Variants in CETP observed in about 807,000 individuals in gnomAD.
The protein encoded by CETP is BPI fold containing family F.
In CETP, 56 loss-of-function variants were observed where a neutral mutation model predicts 66.5. The ratio of observed to expected loss-of-function variants is 0.84; its 90% CI spans 0.68 to 1.05. The LOEUF is 1.05. Ranked by LOEUF, CETP falls within the 50% of genes least tolerant of loss-of-function variation. The probability of loss-of-function intolerance (pLI) is 0.00; values close to 1 mark genes in which losing one functional copy is unlikely to be tolerated. For missense variants in CETP, 612 were observed against 609.6 expected (o/e 1.00, Z -0.04); for synonymous variants, 251 against 245.7 (o/e 1.02, Z -0.20).
intron 10 of CETP, among the ~76,000 whole-genome samples, chr16:56,977,331 C>T (rs12720898): frequency 0.058 from 8,874 of 152,180 alleles, 366 homozygotes; most frequent in South Asian, 0.11. Flanking sequence ...AGGCTGTAAT[C>T]GAAGGTCCTC....
chr16:56,978,063 CT>C, intron 10 of CETP, 27 bp from the exon 11 acceptor site: 1 of 1,612,632 alleles, frequency 6.2e-7, no homozygotes, highest in Non-Finnish European at 8.5e-7. Flanking sequence ...GGCCCCTGTC[CT>C]GGCCATGGGA....
At chr16:56,968,969 G>A (rs1278237848) in intron 2 of CETP, among the ~76,000 whole-genome samples, 4 of 151,514 alleles carry the variant, frequency 2.6e-5, no homozygotes, top group Non-Finnish European at 5.9e-5. Flanking sequence ...TTAAAGATAG[G>A]CATTTCTAGA....
At chr16:56,980,876 C>T (rs780841267) in intron 11 of CETP, among the ~76,000 whole-genome samples, 4 of 152,110 alleles carry the variant, frequency 2.6e-5, no homozygotes, top group Admixed American at 6.5e-5. Context: ...GAGCTGAGAT[C>T]GTGCCACTGC....
At chr16:56,979,207 A>G (rs190190303) in intron 11 of CETP, among the ~76,000 whole-genome samples, 280 of 152,344 alleles carry the variant, frequency 1.8e-3, no homozygotes, top group Admixed American at 3.3e-3. Context: ...TAGGGCCACA[A>G]GGGTTTCCAA....
intron 10 of CETP, among the ~76,000 whole-genome samples, chr16:56,977,217 T>G (rs2056156063): frequency 6.6e-6 from 1 of 152,104 alleles, no homozygotes; most frequent in Non-Finnish European, 1.5e-5. Flanking sequence ...CGCCGGCCCT[T>G]TCTTTCTTTT....
At chr16:56,971,670 A>C (rs1216804360) in intron 7 of CETP, among the ~76,000 whole-genome samples, 1 of 152,176 alleles carries the variant, frequency 6.6e-6, no homozygotes, top group Non-Finnish European at 1.5e-5. Context: ...TTAGGAAAAA[A>C]GATAATTAGA....
chr16:56,971,160 CT>C, intron 6 of CETP, 58 bp downstream of exon 6: 3 of 1,573,680 alleles, frequency 1.9e-6, no homozygotes, highest in Non-Finnish European at 2.6e-6. Context: ...GGCTGGATCC[CT>C]TTCCTCCCTG....
At chr16:56,983,305 G>T in intron 14 of CETP, 21 bp from the exon 15 acceptor site, 1 of 1,612,496 alleles carries the variant, frequency 6.2e-7, no homozygotes, top group Non-Finnish European at 8.5e-7. Context: ...GGGCTGACTG[G>T]GGCTCTGTCC....
intron 10 of CETP, among the ~76,000 whole-genome samples, chr16:56,976,279 A>T (rs1423839540): frequency 2.6e-5 from 4 of 152,016 alleles, no homozygotes; most frequent in African/African-American, 9.7e-5. Flanking sequence ...CAAGAAATAA[A>T]ACTGGTCATT....
rs756059330 is a variant in CETP, at chr16:56,971,390, G to T, written c.658+9G>T. The stretch of plus-strand genomic sequence containing the variant: ...TGTCCAGACAAGGGCTGGTGAGTGC[G>T]TTTCTGTCTGCATGCCTCAGAAGAC... On this transcript the variant is annotated intron_variant, in intron 7 of 15. Transcript: ENST00000200676. 1 of 1,613,226 alleles carries T rather than the reference G, an allele frequency of 6.2e-7. No individual in the cohort carries two copies. Among genetic ancestry groups the T allele is most frequent in the Admixed American group, 1.7e-5 (1 of 60,024 alleles).
intron 2 of CETP, 38 bp from the exon 3 acceptor site, chr16:56,969,348 G>A: frequency 1.2e-6 from 2 of 1,612,550 alleles, no homozygotes; most frequent in Non-Finnish European, 1.7e-6. Flanking sequence ...CTCCCTGGAT[G>A]ACCCCCAACA....
At chr16:56,974,780 T>C (rs921467490) in intron 9 of CETP, among the ~76,000 whole-genome samples, 2 of 152,184 alleles carry the variant, frequency 1.3e-5, no homozygotes, top group African/African-American at 4.8e-5. Flanking sequence ...ACCTATACTG[T>C]ACTAGAAATG....
Position 56,972,012 on chromosome 16 carries a change from G to A in CETP, c.679G>A (p.Asp227Asn). The A allele has an allele frequency of 6.2e-7, 1 of 1,614,160 alleles. No individual in the cohort carries two copies. Among genetic ancestry groups the A allele is most frequent in the Non-Finnish European group, 8.5e-7 (1 of 1,180,028 alleles). ...TGCAGCCAGCATCCTTTCAGATGGA[G>A]ACATTGGGGTGGACATTTCCCTGAC... ...TRAASILSDG[D>N]IGVDISLTGD... is the part of the protein sequence containing the mutation. Residue 227 changes from aspartate (D) to asparagine (N), a missense_variant, in exon 8 of 16, where the codon GAC (aspartate) becomes AAC (asparagine). Physicochemically the swap from Asp to Asn is conservative, Grantham distance 23 (BLOSUM62 1). Transcript: ENST00000200676.
chr16:56,971,382 G>A lies in CETP; in HGVS notation c.658+1G>A. On this transcript the variant is annotated splice_donor_variant, in intron 7 of 15. Coordinates refer to ENST00000200676, the MANE Select transcript of CETP (RefSeq NM_000078.3). LOFTEE classifies it high-confidence loss of function. ...GCCGATTTTGTCCAGACAAGGGCTGGTGAGTGCGTTTCTGTCTGCATGCCT... is the reference window on the plus strand; with the variant it reads ...GCCGATTTTGTCCAGACAAGGGCTGATGAGTGCGTTTCTGTCTGCATGCCT... 6.2e-7 allele frequency: 1 copy of A among 1,613,878 alleles called. No individual in the cohort carries two copies. The highest frequency in any genetic ancestry group is 1.1e-5 in the South Asian group (1 of 91,082).
chr16:56,983,834 C>T lies in CETP; in HGVS notation c.*168C>T. Reference sequence around the variant, plus strand: ...CTAAAGGCCCACTGGCATTAAAGTGCTGTATCCAAGAGCTGCGGAGTCCTT... The same window carrying T: ...CTAAAGGCCCACTGGCATTAAAGTGTTGTATCCAAGAGCTGCGGAGTCCTT... On this transcript the variant is annotated 3_prime_UTR_variant, in exon 16 of 16. Transcript: ENST00000200676. 1 of 704,028 alleles carries T rather than the reference C, an allele frequency of 1.4e-6. No individual in the cohort carries two copies. Among genetic ancestry groups the T allele is most frequent in the Non-Finnish European group, 2.6e-6 (1 of 389,784 alleles). 43.6% of individuals were successfully genotyped at this position (704,028 alleles called of 1,614,324 possible).
intron 6 of CETP, 29 bp downstream of exon 6, chr16:56,971,131 T>C (rs1240913004): frequency 6.2e-7 from 1 of 1,606,726 alleles, no homozygotes; most frequent in African/African-American, 1.3e-5. Flanking sequence ...CTCCCTGTGG[T>C]CCAGGGCCAT....
intron 11 of CETP, among the ~76,000 whole-genome samples, chr16:56,979,209 G>A (rs770449153): frequency 2.0e-5 from 3 of 152,152 alleles, no homozygotes; most frequent in South Asian, 2.1e-4. Context: ...GGGCCACAAG[G>A]GTTTCCAAAT....
intron 1 of CETP, 59 bp from the exon 2 acceptor site, chr16:56,962,951 G>C: frequency 1.4e-6 from 2 of 1,471,176 alleles, no homozygotes; most frequent in Non-Finnish European, 1.9e-6. Context: ...CCAGTTGGGG[G>C]TGGGAGCAGG....
At chr16:56,978,060 G>T (rs1481706874) in intron 10 of CETP, 31 bp from the exon 11 acceptor site, 1 of 1,612,194 alleles carries the variant, frequency 6.2e-7, no homozygotes, top group Non-Finnish European at 8.5e-7. Flanking sequence ...ATGGGCCCCT[G>T]TCCTGGCCAT....
Sources: allele counts gnomAD v4.1 joint callset (sites outside exome capture counted in the v4.1 genomes callset), GRCh38; gene constraint gnomAD v4.1.1; transcripts MANE v1.5; gene names NCBI Gene and HGNC (gene_info 2026-07-23, HGNC 2026-07-21).